The following FGF14 variants were observed in gnomAD, a reference collection of about 807,000 sequenced individuals.
The protein encoded by FGF14 is fibroblast growth factor 14.
In FGF14, 5 loss-of-function variants were observed where a neutral mutation model predicts 25.5. That is an observed-to-expected ratio of 0.20 (90% CI 0.10 to 0.41). The LOEUF is 0.41. Ranked by LOEUF, FGF14 falls within the 10% of genes least tolerant of loss-of-function variation. The pLI is 1.00. For synonymous variants in FGF14, 138 were observed against 118.3 expected (o/e 1.17, Z -1.08); for missense variants, 222 against 320.1 (o/e 0.69, Z 2.34).
At chr13:101,894,983 A>G (rs947937950) in intron 1 of FGF14, among the ~76,000 whole-genome samples, 1 of 152,226 alleles carries the variant, frequency 6.6e-6, no homozygotes, top group African/African-American at 2.4e-5. Context: ...TTTAAGAATC[A>G]CATAAAGAAT....
chr13:102,010,108 A>G (rs996890480), intron 1 of FGF14, among the ~76,000 whole-genome samples: 5 of 152,186 alleles, frequency 3.3e-5, no homozygotes, highest in Non-Finnish European at 5.9e-5. Context: ...TCTGGGCCCT[A>G]TTTAGTTATT....
intron 1 of FGF14, among the ~76,000 whole-genome samples, chr13:102,341,447 A>C (rs2056948913): frequency 6.6e-6 from 1 of 152,186 alleles, no homozygotes; most frequent in African/African-American, 2.4e-5. Context: ...TGTGTGTTGA[A>C]GACAATAGCA....
At position 101,937,398 on chromosome 13, in the gene FGF14, T is replaced by C. The variant is rs560406995; in HGVS notation, c.209-62102A>G. On this transcript the variant is annotated intron_variant, in intron 1 of 4. Transcript: ENST00000376131. ...GGTCCTACTGTAATCTGACTGGTGT[T>C]CACATTAAAGGAAATCTGGACACAC... Among the ~76,000 whole-genome samples the C allele has an allele frequency of 1.2e-4, 19 of 152,108 alleles. No homozygotes were observed. The South Asian group carries it at 4.0e-3, about 32-fold the overall frequency.
intron 1 of FGF14, among the ~76,000 whole-genome samples, chr13:101,900,752 A>C (rs76872225): frequency 6.6e-6 from 1 of 152,138 alleles, no homozygotes; most frequent in African/African-American, 2.4e-5. Flanking sequence ...TGGTCTTCAC[A>C]CAAGTGTATT....
At chr13:101,888,715 A>G (rs1221466605) in intron 1 of FGF14, among the ~76,000 whole-genome samples, 1 of 152,232 alleles carries the variant, frequency 6.6e-6, no homozygotes, top group Admixed American at 6.5e-5. Context: ...CTCCCTGATC[A>G]ACTCAAAGGC....
intron 1 of FGF14, among the ~76,000 whole-genome samples, chr13:102,235,649 C>T (rs930089556): frequency 6.6e-6 from 1 of 152,128 alleles, no homozygotes; most frequent in South Asian, 2.1e-4. Context: ...TCCCTTATTT[C>T]TTAGCTTGTA....
chr13:101,962,643 T>C (rs150178041), intron 1 of FGF14, among the ~76,000 whole-genome samples: 38 of 152,346 alleles, frequency 2.5e-4, no homozygotes, highest in Non-Finnish European at 4.9e-4. Context: ...TAAAATAAAT[T>C]ATACAGAACT....
chr13:101,976,445 G>A (rs1270862796), intron 1 of FGF14, among the ~76,000 whole-genome samples: 1 of 151,954 alleles, frequency 6.6e-6, no homozygotes, highest in Non-Finnish European at 1.5e-5. Context: ...TGCTCCTATT[G>A]GGTGCTGTAA....
intron 2 of FGF14, among the ~76,000 whole-genome samples, chr13:101,870,592 A>G (rs1284813825): frequency 6.6e-6 from 1 of 152,210 alleles, no homozygotes; most frequent in East Asian, 1.9e-4. Flanking sequence ...TAAAAATTAT[A>G]TAAGATAGTT....
chr13:102,269,659 G>A (rs2053152360), intron 1 of FGF14, among the ~76,000 whole-genome samples: 1 of 152,092 alleles, frequency 6.6e-6, no homozygotes, highest in Non-Finnish European at 1.5e-5. Flanking sequence ...GAGTAGCTAG[G>A]ACTGCCAGGC....
chr13:102,278,345 C>T (rs116127547), intron 1 of FGF14, among the ~76,000 whole-genome samples: 10 of 152,226 alleles, frequency 6.6e-5, no homozygotes, highest in African/African-American at 2.2e-4. Flanking sequence ...GAGGAAGCAG[C>T]GGACAAGTTG....
At chr13:102,291,580 A>G (rs1301794640) in intron 1 of FGF14, among the ~76,000 whole-genome samples, 1 of 152,222 alleles carries the variant, frequency 6.6e-6, no homozygotes, top group African/African-American at 2.4e-5. Flanking sequence ...AACATTTTTT[A>G]GAACCAGAAA....
At chr13:101,875,110 G>T in intron 2 of FGF14, 76 bp downstream of exon 2, 2 of 989,528 alleles carry the variant, frequency 2.0e-6, no homozygotes, top group Non-Finnish European at 1.6e-6. Context: ...ATTTGCAAAT[G>T]AATCTTAAAA....
chr13:101,809,514 C>T (rs2041378497), intron 3 of FGF14, among the ~76,000 whole-genome samples: 1 of 152,106 alleles, frequency 6.6e-6, no homozygotes, highest in Admixed American at 6.5e-5. Context: ...AATTATCCTA[C>T]AAATGTGCAC....
At chr13:101,956,549 G>C (rs1294613988) in intron 1 of FGF14, among the ~76,000 whole-genome samples, 1 of 152,054 alleles carries the variant, frequency 6.6e-6, no homozygotes, top group Non-Finnish European at 1.5e-5. Context: ...ATTTGTCTTA[G>C]TTCTGAGCCT....
intron 1 of FGF14, among the ~76,000 whole-genome samples, chr13:101,979,261 A>G (rs1267419904): frequency 7.9e-5 from 12 of 152,232 alleles, no homozygotes; most frequent in African/African-American, 2.9e-4. Flanking sequence ...AAATAGGTTG[A>G]TATTTGTAAA....
intron 3 of FGF14, among the ~76,000 whole-genome samples, chr13:101,793,468 C>G (rs1050502132): frequency 6.6e-6 from 1 of 152,054 alleles, no homozygotes; most frequent in South Asian, 2.1e-4. Context: ...TTGTCTTTAT[C>G]TATTTATGTG....
intron 3 of FGF14, among the ~76,000 whole-genome samples, chr13:101,857,820 A>G (rs1401078164): frequency 1.3e-5 from 2 of 152,010 alleles, no homozygotes; most frequent in East Asian, 1.9e-4. Context: ...ATAAATACAC[A>G]CTATTGTTTC....
chr13:102,042,306 TATC>T (rs1421530398), intron 1 of FGF14, among the ~76,000 whole-genome samples: 3 of 152,200 alleles, frequency 2.0e-5, no homozygotes, highest in Admixed American at 6.6e-5. Context: ...CACAAATTCA[TATC>T]ATTATCAATA....
Sources: gnomAD v4.1 joint callset for allele counts (sites outside exome capture counted in the v4.1 genomes callset) on GRCh38, gnomAD v4.1.1 for gene constraint, MANE v1.5 for transcripts, NCBI Gene and HGNC (gene_info 2026-07-23, HGNC 2026-07-21) for gene names.